Variants in DNM3 observed in about 807,000 individuals in gnomAD.
DNM3 encodes the protein dynamin 3.
A neutral mutation model predicts 101.6 loss-of-function variants in DNM3; 47 were observed. The ratio of observed to expected loss-of-function variants is 0.46; its 90% CI spans 0.37 to 0.59. The LOEUF (loss-of-function observed/expected upper bound fraction) is 0.59, where lower values mean the gene tolerates loss of function less well. Among genes scored for constraint, DNM3 ranks in the 20% least tolerant of loss-of-function variants. The probability of loss-of-function intolerance (pLI) is 0.00; values close to 1 mark genes in which losing one functional copy is unlikely to be tolerated. For synonymous variants in DNM3, 385 were observed against 387.9 expected (o/e 0.99, Z 0.09); for missense variants, 849 against 1,085.7 (o/e 0.78, Z 3.06).
At chr1:172,049,650 C>A (rs780189871) in intron 10 of DNM3, among the ~76,000 whole-genome samples, 2 of 152,060 alleles carry the variant, frequency 1.3e-5, no homozygotes, top group Non-Finnish European at 2.9e-5. Context: ...GTAGGTCTAG[C>A]CCCCTGACAG....
At chr1:171,889,195 T>G (rs751866430) in intron 1 of DNM3, among the ~76,000 whole-genome samples, 3 of 152,114 alleles carry the variant, frequency 2.0e-5, no homozygotes. Context: ...CCTGGGTTGG[T>G]CTGCAACTCC....
At chr1:171,966,722 G>A (rs2043614141) in intron 2 of DNM3, among the ~76,000 whole-genome samples, 1 of 152,180 alleles carries the variant, frequency 6.6e-6, no homozygotes, top group Non-Finnish European at 1.5e-5. Flanking sequence ...GGTACCATGT[G>A]TAACATACAC....
At position 171,984,179 on chromosome 1, in the gene DNM3, G is replaced by A. The variant is rs1004679766; in HGVS notation, c.236-3477G>A. ...AAGCCTCAGCAGCTCTCCCCGGGAT[G>A]ATTTCAATAGTAAGCTTCCTTTCTT... On this transcript the variant is annotated intron_variant, in intron 2 of 20. Coordinates refer to ENST00000627582, the MANE Select transcript of DNM3 (RefSeq NM_015569.5). 2.0e-5 allele frequency among the ~76,000 whole-genome samples: 3 copies of A among 152,110 alleles called. 1 individual carries two copies. Among genetic ancestry groups the A allele is most frequent in the South Asian group, 4.2e-4 (2 of 4,818 alleles).
chr1:172,092,072 G>A (rs147591858), intron 12 of DNM3, among the ~76,000 whole-genome samples: 152 of 152,004 alleles, frequency 1.0e-3, no homozygotes, highest in Non-Finnish European at 1.7e-3. Context: ...GAGGAAGGAA[G>A]ACTGTGGGTG....
intron 14 of DNM3, among the ~76,000 whole-genome samples, chr1:172,133,750 C>A (rs533249842): frequency 1.3e-5 from 2 of 151,978 alleles, no homozygotes; most frequent in Non-Finnish European, 1.5e-5. Flanking sequence ...ATGAGCTGTG[C>A]AGAAGATTTT....
At chr1:172,318,030 T>C (rs1460760496) in intron 16 of DNM3, among the ~76,000 whole-genome samples, 2 of 152,200 alleles carry the variant, frequency 1.3e-5, no homozygotes, top group African/African-American at 2.4e-5. Flanking sequence ...ATCAAAAAGC[T>C]TATCCACCAT....
At chr1:172,359,760 C>G (rs1356932903) in intron 17 of DNM3, among the ~76,000 whole-genome samples, 1 of 151,972 alleles carries the variant, frequency 6.6e-6, no homozygotes, top group Non-Finnish European at 1.5e-5. Context: ...CTGGGAAGGA[C>G]TATTTTCACA....
intron 13 of DNM3, among the ~76,000 whole-genome samples, chr1:172,115,550 C>T (rs894663672): frequency 2.0e-5 from 3 of 152,202 alleles, no homozygotes; most frequent in Admixed American, 6.5e-5. Flanking sequence ...TCCGTCTCCT[C>T]CAGCCTCTCT....
At chr1:172,221,171 A>G (rs114959538) in intron 14 of DNM3, among the ~76,000 whole-genome samples, 246 of 152,232 alleles carry the variant, frequency 1.6e-3, no homozygotes, top group African/African-American at 5.7e-3. Flanking sequence ...TGGTCACATT[A>G]TTATTATAAA....
At chr1:172,124,823 A>G (rs377696057) in intron 13 of DNM3, among the ~76,000 whole-genome samples, 2 of 152,174 alleles carry the variant, frequency 1.3e-5, no homozygotes, top group East Asian at 3.9e-4. Flanking sequence ...CAGCTACCTT[A>G]TAGTATAAAA....
In DNM3 at chr1:172,409,519, T is replaced by C; in HGVS notation, c.*1678T>C. 1.0e-6 allele frequency: 1 copy of C among 984,512 alleles called. No homozygotes were observed. The highest frequency in any genetic ancestry group is 1.2e-6 in the Non-Finnish European group (1 of 829,138). 61.0% of individuals were successfully genotyped at this position (984,512 alleles called of 1,614,324 possible). On this transcript the variant is annotated 3_prime_UTR_variant, in exon 21 of 21. Coordinates refer to ENST00000627582, the MANE Select transcript of DNM3 (RefSeq NM_015569.5). ...TTTACATAAAGGTCATTTCAACTTT[T>C]AAGGTTACCAGTGATTGTATAAAAA...
chr1:172,094,853 G>C (rs1303040570), intron 13 of DNM3, among the ~76,000 whole-genome samples: 1 of 152,172 alleles, frequency 6.6e-6, no homozygotes, highest in Admixed American at 6.5e-5. Flanking sequence ...TGATATAAAG[G>C]ATTTACCTGT....
intron 17 of DNM3, among the ~76,000 whole-genome samples, chr1:172,343,819 A>T (rs1438844932): frequency 2.0e-5 from 3 of 152,014 alleles, no homozygotes; most frequent in Non-Finnish European, 4.4e-5. Context: ...TTTTTTTGCC[A>T]AAAGGTTTAT....
chr1:172,122,800 G>T (rs1286622167), intron 13 of DNM3, among the ~76,000 whole-genome samples: 1 of 152,090 alleles, frequency 6.6e-6, no homozygotes, highest in African/African-American at 2.4e-5. Context: ...GAGTAAAATG[G>T]CAAACAGTGC....
chr1:172,298,870 AG>A (rs1324052616), intron 15 of DNM3, among the ~76,000 whole-genome samples: 9 of 145,806 alleles, frequency 6.2e-5, no homozygotes, highest in African/African-American at 2.0e-4. Flanking sequence ...AGAGAGAGAG[AG>A]AGAGAAAGAC....
intron 17 of DNM3, among the ~76,000 whole-genome samples, chr1:172,375,757 T>C (rs2068562514): frequency 6.6e-6 from 1 of 151,590 alleles, no homozygotes; most frequent in Non-Finnish European, 1.5e-5. Context: ...ATTAAAATTT[T>C]CAGCTACTTG....
intron 14 of DNM3, among the ~76,000 whole-genome samples, chr1:172,217,679 G>A (rs1055611724): frequency 3.3e-5 from 5 of 152,078 alleles, no homozygotes; most frequent in African/African-American, 9.7e-5. Context: ...ACCAGGCAGT[G>A]CTCCACTCTC....
rs2068734501 is a variant in DNM3, at chr1:172,378,599, A to T, written c.1894-419A>T. 2.0e-5 allele frequency among the ~76,000 whole-genome samples: 3 copies of T among 152,094 alleles called. No homozygotes were observed. In the South Asian group the frequency reaches 6.2e-4, roughly 32 times the overall value. ...CCAGAGCAGACCTAGAAGTGCCAGA[A>T]CAATACCAAGGTTATTTCTAATCTA... On this transcript the variant is annotated intron_variant, in intron 17 of 20. Coordinates refer to ENST00000627582, the MANE Select transcript of DNM3 (RefSeq NM_015569.5).
At chr1:171,884,726 C>T (rs2036611131) in intron 1 of DNM3, among the ~76,000 whole-genome samples, 1 of 152,186 alleles carries the variant, frequency 6.6e-6, no homozygotes, top group South Asian at 2.1e-4. Flanking sequence ...CGGGCTAGTT[C>T]AGACTTGTTC....
Sources: allele counts gnomAD v4.1 joint callset (sites outside exome capture counted in the v4.1 genomes callset), GRCh38; gene constraint gnomAD v4.1.1; transcripts MANE v1.5; gene names NCBI Gene and HGNC (gene_info 2026-07-23, HGNC 2026-07-21).